FGD1: variants seen among roughly 807,000 people sequenced by gnomAD.
FGD1 encodes the protein FYVE, RhoGEF and PH domain containing 1.
A neutral mutation model predicts 65.0 loss-of-function variants in FGD1; 12 were observed. That is an observed-to-expected ratio of 0.18 (90% CI 0.12 to 0.30). The LOEUF (loss-of-function observed/expected upper bound fraction) is 0.30. Ranked by LOEUF, FGD1 falls within the 10% of genes least tolerant of loss-of-function variation. The probability of loss-of-function intolerance (pLI) is 1.00; values close to 1 mark genes in which losing one functional copy is unlikely to be tolerated. For synonymous variants in FGD1, 333 were observed against 343.9 expected (o/e 0.97, Z 0.35); for missense variants, 542 against 837.6 (o/e 0.65, Z 4.36).
intron 1 of FGD1, among the ~76,000 whole-genome samples, chrX:54,492,850 T>A (rs1923443723): frequency 9.3e-6 from 1 of 107,253 alleles, no homozygotes; most frequent in Admixed American, 1.0e-4. Flanking sequence ...CAAAGTGAAT[T>A]AGTTAGAATA....
chrX:54,467,363 T>C (rs1224620894), intron 6 of FGD1, among the ~76,000 whole-genome samples: 1 of 108,533 alleles, frequency 9.2e-6, no homozygotes, highest in African/African-American at 3.4e-5. Context: ...TTTTTCTTTT[T>C]TTTTTTTTTT....
At chrX:54,475,647 C>A (rs1307865620) in intron 1 of FGD1, among the ~76,000 whole-genome samples, 1 of 112,405 alleles carries the variant, frequency 8.9e-6, no homozygotes, top group East Asian at 2.8e-4. Context: ...CCCTCAGTGG[C>A]CTCCTTGGCT....
chrX:54,493,621 TG>T (rs1447214791), intron 1 of FGD1, among the ~76,000 whole-genome samples: 1 of 111,750 alleles, frequency 8.9e-6, no homozygotes, highest in Non-Finnish European at 1.9e-5. Context: ...GCAAAAGTCC[TG>T]GGGTGGGAGT....
intron 6 of FGD1, among the ~76,000 whole-genome samples, chrX:54,466,443 C>G (rs970682778): frequency 9.0e-6 from 1 of 111,665 alleles, no homozygotes; most frequent in Non-Finnish European, 1.9e-5. Flanking sequence ...GGAATGTGGA[C>G]ATGATTTTAA....
At position 54,471,463 on chromosome X, in the gene FGD1, A is replaced by G; in HGVS notation, c.332T>C (p.Leu111Pro). 8.3e-7 allele frequency: 1 copy of G among 1,211,514 alleles called. No individual in the cohort carries two copies. Among genetic ancestry groups the G allele is most frequent in the Non-Finnish European group, 1.1e-6 (1 of 895,453 alleles). Residue 111 changes from leucine to proline, a missense_variant, in exon 2 of 18, where the codon CTG (leucine) becomes CCG (proline). This residue lies in a region of FGD1 where 297 missense variants were observed against 326.8 expected (regional missense o/e 0.91). Coordinates refer to ENST00000375135, the MANE Select transcript of FGD1 (RefSeq NM_004463.3). ...AGGGTCAAGGGACAAACTTTTAACC[A>G]GGATCCGGTTTCCCTGGTGCAGCCC... is the stretch of plus-strand genomic sequence containing the variant. ...RPGLHQGNRI[L>P]VKSLSLDPGQ...
In FGD1 at chrX:54,495,403, G is replaced by C; in HGVS notation, c.30C>G (p.Ala10=). The C allele has an allele frequency of 4.5e-6, 5 of 1,103,585 alleles. No individual in the cohort carries two copies. Among genetic ancestry groups the C allele is most frequent in the Non-Finnish European group, 5.9e-6 (5 of 850,239 alleles). 90.9% of individuals were successfully genotyped at this position (1,103,585 alleles called of 1,213,427 possible). Reference sequence around the variant, plus strand: ...CCGGGTGTTCGGGCTCCGAAGGCCCGGCGCCCCCCGGGGCTCGGTGGCCAT... The same window carrying C: ...CCGGGTGTTCGGGCTCCGAAGGCCCCGCGCCCCCCGGGGCTCGGTGGCCAT... MHGHRAPGG[A]GPSEPEHPAT... The change falls in exon 1 of 18, where the codon GCC becomes GCG. Residue 10 remains alanine, a synonymous_variant. Transcript: ENST00000375135.
At position 54,450,261 on chromosome X, in the gene FGD1, T is replaced by A; in HGVS notation, c.2046+10A>T. The A allele has an allele frequency of 8.3e-7, 1 of 1,207,964 alleles. No homozygotes were observed. The highest frequency in any genetic ancestry group is 1.1e-6 in the Non-Finnish European group (1 of 892,123). Reference sequence around the variant, plus strand: ...CTTCTAGCCCCCTACCACAGAGCCTTGGATGTTACCTGGACCCAGTCTTTC... The same window carrying A: ...CTTCTAGCCCCCTACCACAGAGCCTAGGATGTTACCTGGACCCAGTCTTTC... On this transcript the variant is annotated intron_variant, in intron 13 of 17. Transcript: ENST00000375135.
At chrX:54,447,754 C>G (rs1922264480) in intron 16 of FGD1, among the ~76,000 whole-genome samples, 1 of 112,398 alleles carries the variant, frequency 8.9e-6, no homozygotes, top group Non-Finnish European at 1.9e-5. Flanking sequence ...GCCATTCACA[C>G]ATTTAGGCCT....
chrX:54,447,479 A>G (rs2147421358), intron 16 of FGD1, 25 bp from the exon 17 acceptor site: 1 of 1,204,140 alleles, frequency 8.3e-7, no homozygotes, highest in African/African-American at 1.7e-5. Context: ...ACCGGGCATC[A>G]ATGTTGACAG....
Position 54,470,220 on chromosome X carries a change from G to A in FGD1, c.897C>T (p.Phe299=). 2.5e-6 allele frequency: 3 copies of A among 1,206,451 alleles called. No homozygotes were observed. Among genetic ancestry groups the A allele is most frequent in the South Asian group, 1.8e-5 (1 of 55,995 alleles). The part of the protein sequence containing the change: ...SSPSNSEETC[F]VSDDGPPSHS... ...GGCTGGGGGGCCCGTCATCACTGAC[G>A]AAGCAGGTCTCCTCGCTGTTGGATG... The change falls in exon 4 of 18, where the codon TTC becomes TTT. Residue 299 remains phenylalanine (F), a synonymous_variant. Coordinates refer to ENST00000375135, the MANE Select transcript of FGD1 (RefSeq NM_004463.3).
rs3833405 is a variant in FGD1 at position 54,456,638 on chromosome X, GTT to G, written c.1637-73_1637-72del. 996 of 730,473 alleles carry G rather than the reference GTT, an allele frequency of 1.4e-3. 10 individuals are homozygous for G. The East Asian group carries it at 0.03, about 22-fold the overall frequency. The allele number at this position is 730,473 out of a possible 1,213,427, so 60.2% of individuals were successfully genotyped here. On this transcript the variant is annotated intron_variant, in intron 8 of 17. Coordinates refer to ENST00000375135, the MANE Select transcript of FGD1 (RefSeq NM_004463.3). ...GAGCCTTTCCGGGGCTTTGTTTTTT[GTT>G]TTTTTTTTTTGAGACGGAGTCTCAC... is the stretch of plus-strand genomic sequence containing the variant.
Position 54,454,645 on chromosome X carries a change from TAAAAAAA to T in FGD1, c.2015+796_2015+802del, listed in dbSNP as rs59245505. Among the ~76,000 whole-genome samples the T allele has an allele frequency of 1.4e-4, 11 of 78,952 alleles. No homozygotes were observed. In the East Asian group the frequency reaches 2.9e-3, roughly 21 times the overall value. The allele number at this position is 78,952 out of a possible 115,157, so 68.6% of individuals were successfully genotyped here. On this transcript the variant is annotated intron_variant, in intron 12 of 17. Transcript: ENST00000375135. ...TGGGTGACAGAGTGAGACTCTGTCT[TAAAAAAA>T]AAAAAAAAAAAAGAAAAGGTAGAGT...
intron 3 of FGD1, 29 bp from the exon 4 acceptor site, chrX:54,470,486 G>T: frequency 1.7e-6 from 2 of 1,188,890 alleles, no homozygotes; most frequent in Non-Finnish European, 1.1e-6. Flanking sequence ...ACACATGGAA[G>T]CAGGGTATGA....
At position 54,471,217 on chromosome X, in the gene FGD1, CCTT is replaced by C. The variant is rs878993276; in HGVS notation, c.481+94_481+96del. 39 of 979,828 alleles carry C rather than the reference CCTT, an allele frequency of 4.0e-5. No individual in the cohort carries two copies. In the South Asian group the frequency reaches 5.3e-4, roughly 13 times the overall value. 80.7% of individuals were successfully genotyped at this position (979,828 alleles called of 1,213,427 possible). ...CCCTGGGAGCATGGTGGCTCCCTAT[CCTT>C]CTAACAAACCCTCTTCTCTGCCACT... On this transcript the variant is annotated intron_variant, in intron 2 of 17. Transcript: ENST00000375135.
intron 1 of FGD1, among the ~76,000 whole-genome samples, chrX:54,471,840 A>C (rs891242375): frequency 2.7e-5 from 3 of 112,408 alleles, no homozygotes; most frequent in African/African-American, 9.7e-5. Flanking sequence ...CTACAGCCAC[A>C]TAGGTATGCT....
At chrX:54,491,902 G>A (rs1273144505) in intron 1 of FGD1, among the ~76,000 whole-genome samples, 2 of 108,477 alleles carry the variant, frequency 1.8e-5, no homozygotes, top group African/African-American at 6.7e-5. Context: ...CCCTCCCCTT[G>A]CCCCCCTCAA....
chrX:54,457,855 C>G (rs1298249470), intron 8 of FGD1, among the ~76,000 whole-genome samples: 2 of 110,696 alleles, frequency 1.8e-5, no homozygotes, highest in Non-Finnish European at 3.8e-5. Flanking sequence ...CCCTGTACAT[C>G]TCCACACACT....
rs1922658366 is a variant in FGD1 at position 54,462,454 on chromosome X, A to C, written c.1636+2997T>G. Reference sequence around the variant, plus strand: ...GTGGCTCAGGTTGGAGTGCAGTGGCACGATCTTGGCTCACTGCAGCCTCTG... The same window carrying C: ...GTGGCTCAGGTTGGAGTGCAGTGGCCCGATCTTGGCTCACTGCAGCCTCTG... On this transcript the variant is annotated intron_variant, in intron 8 of 17. Transcript: ENST00000375135. Among the ~76,000 whole-genome samples the C allele has an allele frequency of 4.1e-5, 4 of 97,582 alleles. No individual in the cohort carries two copies. In the Admixed American group the frequency reaches 4.8e-4, roughly 12 times the overall value. The allele number at this position is 97,582 out of a possible 115,157, so 84.7% of individuals were successfully genotyped here. A position where few individuals can be genotyped will look rare whatever the true frequency, so the allele number is the denominator to read the frequency against.
rs202213679 is a variant in FGD1 at position 54,449,194 on chromosome X, C to A, written c.2223G>T (p.Glu741Asp). 8.3e-7 allele frequency: 1 copy of A among 1,210,515 alleles called. No homozygotes were observed. The highest frequency in any genetic ancestry group is 1.7e-5 in the African/African-American group (1 of 57,413). ...KEVTMCMRCQ[E>D]PFNSITKRRH... The stretch of plus-strand genomic sequence containing the variant: ...TGCGTTTGGTGATAGAATTGAAGGG[C>A]TCCTGGCAGCGCATGCACATGGTGA... Residue 741 changes from glutamate to aspartate, a missense_variant, in exon 15 of 18, where the codon GAG (glutamate) becomes GAT (aspartate). Coordinates refer to ENST00000375135, the MANE Select transcript of FGD1 (RefSeq NM_004463.3).
Sources: allele counts gnomAD v4.1 joint callset (sites outside exome capture counted in the v4.1 genomes callset), GRCh38; gene constraint gnomAD v4.1.1; regional missense constraint gnomAD v4.1.1; transcripts MANE v1.5; gene names NCBI Gene and HGNC (gene_info 2026-07-23, HGNC 2026-07-21).